Variants in CDH4 observed in about 807,000 individuals in gnomAD.
CDH4 encodes cadherin 4.
In CDH4, 33 loss-of-function variants were observed where a neutral mutation model predicts 86.0. The observed-to-expected ratio is 0.38, with a 90% CI of 0.29 to 0.51. The LOEUF (loss-of-function observed/expected upper bound fraction) is 0.51, where lower values mean the gene tolerates loss of function less well. Among genes scored for constraint, CDH4 ranks in the 20% least tolerant of loss-of-function variants. CDH4 has a pLI of 0.86. For missense variants in CDH4, 1,114 were observed against 1,307.4 expected (o/e 0.85, Z 2.28); for synonymous variants, 555 against 549.4 (o/e 1.01, Z -0.14).
intron 2 of CDH4, among the ~76,000 whole-genome samples, chr20:61,272,744 G>C (rs970979165): frequency 6.6e-6 from 1 of 151,182 alleles, no homozygotes; most frequent in Non-Finnish European, 1.5e-5. Context: ...ACTCTGTGCA[G>C]TTTGGGGGAG....
intron 4 of CDH4, among the ~76,000 whole-genome samples, chr20:61,805,439 A>AGGCCAGCAAGGGTCAG (rs1384199782): frequency 3.9e-5 from 6 of 152,216 alleles, no homozygotes; most frequent in Non-Finnish European, 7.3e-5. Context: ...ATAACCATAA[A>AGGCCAGCAAGGGTCAG]GGCCAGCAAG....
rs1465011461 is a variant in CDH4, at chr20:61,926,259, A to G, written c.1771+1783A>G. Among the ~76,000 whole-genome samples, 3 of 152,180 alleles carry G rather than the reference A, an allele frequency of 2.0e-5. No homozygotes were observed. The East Asian group carries it at 5.8e-4, about 29-fold the overall frequency. On this transcript the variant is annotated intron_variant, in intron 11 of 15. Transcript: ENST00000614565. ...GCAAGCACGGGAAGGAGGGTCACAG[A>G]GTTAGGAAACGGTGTGTGCAAAGGC...
chr20:61,513,494 A>G (rs1203419517), intron 2 of CDH4, among the ~76,000 whole-genome samples: 3 of 152,178 alleles, frequency 2.0e-5, no homozygotes, highest in Non-Finnish European at 2.9e-5. Context: ...TGCAGATGGA[A>G]ACCAAGGCAC....
At chr20:61,789,970 G>A (rs1979083436) in intron 4 of CDH4, among the ~76,000 whole-genome samples, 2 of 152,176 alleles carry the variant, frequency 1.3e-5, no homozygotes, top group Non-Finnish European at 2.9e-5. Flanking sequence ...AATTTATTGT[G>A]TTCAGTCTGA....
intron 2 of CDH4, among the ~76,000 whole-genome samples, chr20:61,612,529 AC>A (rs1478183403): frequency 6.6e-6 from 1 of 152,004 alleles, no homozygotes; most frequent in Non-Finnish European, 1.5e-5. Flanking sequence ...ACTCACACTT[AC>A]CCAACCAAGG....
At chr20:61,739,604 G>A (rs2088308657) in intron 2 of CDH4, among the ~76,000 whole-genome samples, 1 of 152,246 alleles carries the variant, frequency 6.6e-6, no homozygotes, top group South Asian at 2.1e-4. Flanking sequence ...CAACCTCTGT[G>A]TCCAGTCTGC....
At position 61,749,875 on chromosome 20, in the gene CDH4, A is replaced by G. The variant is rs369031880; in HGVS notation, c.396+6086A>G. On this transcript the variant is annotated intron_variant, in intron 3 of 15. Coordinates refer to ENST00000614565, the MANE Select transcript of CDH4 (RefSeq NM_001794.5). The stretch of plus-strand genomic sequence containing the variant: ...CAGGAGCTTGAGCCCAGCCCAGCCA[A>G]CGTGGTGAAACCCTGTCTCTACTAA... Among the ~76,000 whole-genome samples the G allele has an allele frequency of 5.4e-4, 83 of 152,306 alleles. No individual in the cohort carries two copies. In the East Asian group the frequency reaches 0.011, roughly 20 times the overall value.
At chr20:61,565,231 T>C (rs867248461) in intron 2 of CDH4, among the ~76,000 whole-genome samples, 1 of 45,758 alleles carries the variant, frequency 2.2e-5, no homozygotes, top group Non-Finnish European at 4.6e-5. Context: ...TAGGTGGTGG[T>C]GGTGGTGGTG....
intron 4 of CDH4, among the ~76,000 whole-genome samples, chr20:61,819,481 C>A (rs1306993362): frequency 6.6e-6 from 1 of 152,242 alleles, no homozygotes; most frequent in Non-Finnish European, 1.5e-5. Context: ...TTCCACGTCT[C>A]CCCAAATGCG....
chr20:61,883,902 A>G (rs1309285408), intron 7 of CDH4, among the ~76,000 whole-genome samples: 3 of 152,290 alleles, frequency 2.0e-5, no homozygotes, highest in South Asian at 4.1e-4. Context: ...GGACAGACAG[A>G]GAGAGGGGGA....
chr20:61,413,731 T>C (rs1443180111), intron 2 of CDH4, among the ~76,000 whole-genome samples: 1 of 152,152 alleles, frequency 6.6e-6, no homozygotes, highest in Admixed American at 6.5e-5. Context: ...TCCCACTGGT[T>C]CTCAAGGACA....
intron 4 of CDH4, among the ~76,000 whole-genome samples, chr20:61,830,005 G>A (rs1386013997): frequency 6.6e-6 from 1 of 152,020 alleles, no homozygotes; most frequent in Non-Finnish European, 1.5e-5. Flanking sequence ...ACATGCTATG[G>A]AAACCCTTGC....
chr20:61,783,697 T>G lies in CDH4; in HGVS notation c.576+10515T>G, dbSNP rs370041677. ...TCTTGTGCCCCCAAGAGAAATGTAA[T>G]CCCAGTTCCTTGGGACAGTTCTCCG... is the stretch of plus-strand genomic sequence containing the variant. On this transcript the variant is annotated intron_variant, in intron 4 of 15. Transcript: ENST00000614565. Among the ~76,000 whole-genome samples, 59 of 130,634 alleles carry G rather than the reference T, an allele frequency of 4.5e-4. 2 individuals are homozygous for G. Among genetic ancestry groups the G allele is most frequent in the African/African-American group, 1.3e-3 (43 of 33,858 alleles). The allele number at this position is 130,634 out of a possible 152,430, so 85.7% of individuals were successfully genotyped here. A position where few individuals can be genotyped will look rare whatever the true frequency, so the allele number is the denominator to read the frequency against.
At chr20:61,772,884 G>T (rs1600971948) in intron 3 of CDH4, 119 bp from the exon 4 acceptor site, 1 of 797,436 alleles carries the variant, frequency 1.3e-6, no homozygotes, top group East Asian at 3.0e-5. Context: ...CCTTGTCCCA[G>T]CGTTACCCGC....
intron 3 of CDH4, among the ~76,000 whole-genome samples, chr20:61,757,241 C>CA (rs1347846550): frequency 6.6e-6 from 1 of 152,150 alleles, no homozygotes; most frequent in East Asian, 1.9e-4. Flanking sequence ...AGACCCCCCC[C>CA]CCAGCCCCCT....
chr20:61,429,480 G>C (rs562300494), intron 2 of CDH4, among the ~76,000 whole-genome samples: 2 of 152,326 alleles, frequency 1.3e-5, no homozygotes, highest in East Asian at 3.9e-4. Context: ...CTCCAGTACA[G>C]GGCAGCAAAT....
chr20:61,282,697 A>G (rs6071566), intron 2 of CDH4, among the ~76,000 whole-genome samples: 99,417 of 152,196 alleles, frequency 0.65, 32,710 homozygotes, highest in East Asian at 0.73. Context: ...TGGGATGTTC[A>G]GATGTGCATG....
At chr20:61,405,155 G>A (rs2085074334) in intron 2 of CDH4, among the ~76,000 whole-genome samples, 1 of 152,044 alleles carries the variant, frequency 6.6e-6, no homozygotes, top group Non-Finnish European at 1.5e-5. Context: ...ATGTGGAGAG[G>A]TCCTCCATCC....
intron 2 of CDH4, among the ~76,000 whole-genome samples, chr20:61,405,847 AT>A (rs1238417836): frequency 6.6e-6 from 1 of 151,960 alleles, no homozygotes; most frequent in Non-Finnish European, 1.5e-5. Flanking sequence ...CGCCCAGCTA[AT>A]TTTTTGTATT....
Sources: gnomAD v4.1 joint callset for allele counts (sites outside exome capture counted in the v4.1 genomes callset) on GRCh38, gnomAD v4.1.1 for gene constraint, MANE v1.5 for transcripts, NCBI Gene and HGNC (gene_info 2026-07-23, HGNC 2026-07-21) for gene names.